The following CERS6 variants were observed in gnomAD, a reference collection of about 807,000 sequenced individuals.
CERS6 encodes ceramide synthase 6.
In CERS6, 26 loss-of-function variants were observed where a neutral mutation model predicts 56.8. The ratio of observed to expected loss-of-function variants is 0.46; its 90% confidence interval spans 0.34 to 0.63. The LOEUF is 0.63. CERS6 is among the 30% of genes least tolerant of loss of function. CERS6 has a pLI of 0.01. For missense variants in CERS6, 415 were observed against 467.5 expected, an observed-to-expected ratio of 0.89 and a Z score of 1.04; for synonymous variants, 164 against 173.3, an observed-to-expected ratio of 0.95 and a Z score of 0.42.
intron 6 of CERS6, among the ~76,000 whole-genome samples, chr2:168,695,981 T>C (rs1240871260): frequency 6.6e-6 from 1 of 152,198 alleles, no homozygotes; most frequent in East Asian, 1.9e-4. Context: ...TAAATGCTCA[T>C]TGGAGCATTT....
At chr2:168,512,410 T>G (rs932472791) in intron 1 of CERS6, among the ~76,000 whole-genome samples, 10 of 152,186 alleles carry the variant, frequency 6.6e-5, no homozygotes, top group Admixed American at 5.2e-4. Flanking sequence ...CCCTAAATTC[T>G]TTTTCTTTCA....
chr2:168,523,250 C>G (rs10930330), intron 1 of CERS6, among the ~76,000 whole-genome samples: 26,655 of 152,098 alleles, frequency 0.18, 2,710 homozygotes, highest in Middle Eastern at 0.23. Context: ...TATCTTTTAC[C>G]GCAAGGAAGG....
chr2:168,635,898 T>G (rs1426263682), intron 4 of CERS6, among the ~76,000 whole-genome samples: 1 of 152,214 alleles, frequency 6.6e-6, no homozygotes, highest in Non-Finnish European at 1.5e-5. Context: ...TGTTCTCTTT[T>G]GTTTATTGCT....
chr2:168,648,130 T>A (rs4668090), intron 4 of CERS6, among the ~76,000 whole-genome samples: 53,142 of 151,930 alleles, frequency 0.35, 12,077 homozygotes, highest in African/African-American at 0.64. Flanking sequence ...CGGCTGTGAA[T>A]CCATCAGGTC....
At chr2:168,672,516 A>T (rs576415100) in intron 4 of CERS6, among the ~76,000 whole-genome samples, 1 of 152,330 alleles carries the variant, frequency 6.6e-6, no homozygotes, top group East Asian at 1.9e-4. Flanking sequence ...GAGAGGCCTA[A>T]TTCTACTTAG....
At chr2:168,591,884 T>C (rs900998949) in intron 3 of CERS6, among the ~76,000 whole-genome samples, 1 of 152,148 alleles carries the variant, frequency 6.6e-6, no homozygotes, top group Non-Finnish European at 1.5e-5. Context: ...CCCTTTCTAA[T>C]GGAATAGAGT....
At chr2:168,512,211 C>T (rs1408161039) in intron 1 of CERS6, among the ~76,000 whole-genome samples, 1 of 152,082 alleles carries the variant, frequency 6.6e-6, no homozygotes, top group Non-Finnish European at 1.5e-5. Context: ...ATTTAGTGGG[C>T]ACAGAGTTTT....
intron 3 of CERS6, among the ~76,000 whole-genome samples, chr2:168,587,157 G>C (rs934068627): frequency 6.6e-6 from 1 of 152,002 alleles, no homozygotes; most frequent in African/African-American, 2.4e-5. Flanking sequence ...TGGGCTGAGC[G>C]ATAGAGCAAG....
At chr2:168,629,234 CT>C (rs33997198) in intron 3 of CERS6, among the ~76,000 whole-genome samples, 1 of 152,128 alleles carries the variant, frequency 6.6e-6, no homozygotes, top group East Asian at 1.9e-4. Flanking sequence ...TTCTGTAAAA[CT>C]TTTTTATACA....
At chr2:168,731,839 A>G (rs777602105) in intron 8 of CERS6, among the ~76,000 whole-genome samples, 54 of 152,206 alleles carry the variant, frequency 3.5e-4, no homozygotes, top group Non-Finnish European at 7.3e-4. Flanking sequence ...AGATACGTGA[A>G]GCACTGAAGG....
chr2:168,568,658 T>C (rs996419704), intron 3 of CERS6, among the ~76,000 whole-genome samples: 2 of 152,232 alleles, frequency 1.3e-5, no homozygotes, highest in East Asian at 1.9e-4. Flanking sequence ...TGAAATGTTT[T>C]TAATAGAACC....
chr2:168,731,496 C>T (rs1424585237), intron 8 of CERS6, among the ~76,000 whole-genome samples: 1 of 152,000 alleles, frequency 6.6e-6, no homozygotes, highest in African/African-American at 2.4e-5. Flanking sequence ...GTTTTTATCT[C>T]ATGGAAATAT....
intron 8 of CERS6, among the ~76,000 whole-genome samples, chr2:168,740,843 A>T (rs1360868992): frequency 6.6e-6 from 1 of 152,238 alleles, no homozygotes; most frequent in Non-Finnish European, 1.5e-5. Context: ...TGGGGACTGG[A>T]AGCCTATGGC....
intron 1 of CERS6, among the ~76,000 whole-genome samples, chr2:168,522,436 C>CT (rs1694998977): frequency 6.6e-6 from 1 of 152,154 alleles, no homozygotes. Context: ...GTAATTTCTT[C>CT]TGAACAATTT....
intron 1 of CERS6, among the ~76,000 whole-genome samples, chr2:168,474,858 C>T (rs1273707651): frequency 6.6e-6 from 1 of 152,086 alleles, no homozygotes; most frequent in African/African-American, 2.4e-5. Context: ...CATAAGTTAC[C>T]TTGAACAAGA....
chr2:168,698,842 T>A (rs1349341103), intron 6 of CERS6, among the ~76,000 whole-genome samples: 1 of 152,188 alleles, frequency 6.6e-6, no homozygotes, highest in Admixed American at 6.6e-5. Context: ...CTGTATATAT[T>A]GTCAGTGTTT....
chr2:168,489,581 C>G, intron 1 of CERS6, among the ~76,000 whole-genome samples: 1 of 138,236 alleles, frequency 7.2e-6, no homozygotes, highest in East Asian at 2.1e-4. Context: ...ATTTTTTTTT[C>G]TTTGTTCCTC....
chr2:168,493,266 G>A lies in CERS6; in HGVS notation c.170+36648G>A, dbSNP rs1466519316. Among the ~76,000 whole-genome samples, 3 of 152,058 alleles carry A rather than the reference G, an allele frequency of 2.0e-5. No homozygotes were observed. The East Asian group carries it at 5.8e-4, about 29-fold the overall frequency. ...CAGATCCACCTTATCTGAAACATCT[G>A]ATCTCTCCTAGCCACTTAAATAAAG... On this transcript the variant is annotated intron_variant, in intron 1 of 9. Coordinates refer to ENST00000305747, the MANE Select transcript of CERS6 (RefSeq NM_203463.3).
At chr2:168,573,964 A>G (rs1213566231) in intron 3 of CERS6, among the ~76,000 whole-genome samples, 1 of 152,198 alleles carries the variant, frequency 6.6e-6, no homozygotes, top group Non-Finnish European at 1.5e-5. Context: ...CACCTGTAGC[A>G]CTAGTTGATA....
Sources: allele counts gnomAD v4.1 joint callset (sites outside exome capture counted in the v4.1 genomes callset), GRCh38; gene constraint gnomAD v4.1.1; transcripts MANE v1.5; gene names NCBI Gene and HGNC (gene_info 2026-07-23, HGNC 2026-07-21).